Variants in DENND4A observed in about 807,000 individuals in gnomAD.
DENND4A encodes the protein DENN domain containing 4A, also known as C-myc promoter-binding protein.
DENND4A carries 70 observed loss-of-function variants against 199.3 expected under a neutral mutation model. That is an observed-to-expected ratio of 0.35 (90% CI 0.29 to 0.43). DENND4A has a LOEUF of 0.43. Among genes scored for constraint, DENND4A ranks in the 20% least tolerant of loss-of-function variants. DENND4A has a pLI of 1.00. For synonymous variants in DENND4A, 686 were observed against 766.9 expected (o/e 0.89, Z 1.74); for missense variants, 1,723 against 2,255.8 (o/e 0.76, Z 4.78).
Position 65,691,377 on chromosome 15 carries a change from T to C in DENND4A, c.3217A>G (p.Asn1073Asp). The change falls in exon 23 of 33, where the codon AAT becomes GAT. Residue 1073 changes from asparagine to aspartate, a missense_variant. Asn to Asp is a conservative substitution (Grantham distance 23). This residue lies in a region of DENND4A where 650 missense variants were observed against 738.1 expected (regional missense o/e 0.88). Coordinates refer to ENST00000443035, the MANE Select transcript of DENND4A (RefSeq NM_001320835.1). ...CCTCCACTAAGATTACGGTTTCTAT[T>C]TCCCCAGACCACTTGCTGCTGCAAA... ...TNLQQQVVWG[N>D]RNRNLSGGVL... 6.2e-7 allele frequency: 1 copy of C among 1,613,636 alleles called. No individual in the cohort carries two copies. Among genetic ancestry groups the C allele is most frequent in the Non-Finnish European group, 8.5e-7 (1 of 1,179,724 alleles).
At chr15:65,700,707 C>A in intron 19 of DENND4A, 32 bp from the exon 20 acceptor site, 1 of 1,506,254 alleles carries the variant, frequency 6.6e-7, no homozygotes, top group Non-Finnish European at 8.9e-7. Flanking sequence ...CATTTTACTA[C>A]TCGAAGAGGT....
At chr15:65,790,582 C>T (rs2141035848) in intron 1 of DENND4A, among the ~76,000 whole-genome samples, 1 of 152,230 alleles carries the variant, frequency 6.6e-6, no homozygotes, top group East Asian at 1.9e-4. Flanking sequence ...ATGATGATAA[C>T]ATATGCTGTT....
intron 23 of DENND4A, among the ~76,000 whole-genome samples, chr15:65,677,985 T>C (rs2076443016): frequency 6.7e-6 from 1 of 149,360 alleles, no homozygotes; most frequent in Non-Finnish European, 1.5e-5. Flanking sequence ...TGGAGTGCAG[T>C]GGCATGATCT....
At chr15:65,676,967 T>G (rs1461023429) in intron 23 of DENND4A, among the ~76,000 whole-genome samples, 1 of 152,226 alleles carries the variant, frequency 6.6e-6, no homozygotes, top group African/African-American at 2.4e-5. Flanking sequence ...AGAATTACGT[T>G]TTATTCTTTT....
intron 1 of DENND4A, among the ~76,000 whole-genome samples, chr15:65,769,013 A>T (rs1316501712): frequency 6.8e-6 from 1 of 147,182 alleles, no homozygotes; most frequent in Admixed American, 6.8e-5. Flanking sequence ...CCAAAAAACA[A>T]AAAAAAAAAC....
chr15:65,792,192 C>CA lies in DENND4A; in HGVS notation c.-285dup, dbSNP rs1307920389. 1 of 148,546 alleles carries CA rather than the reference C, an allele frequency of 6.7e-6. No individual in the cohort carries two copies. Among genetic ancestry groups the CA allele is most frequent in the African/African-American group, 2.5e-5 (1 of 40,766 alleles). 9.2% of individuals were successfully genotyped at this position (148,546 alleles called of 1,614,324 possible). On this transcript the variant is annotated 5_prime_UTR_variant, in exon 1 of 33. Coordinates refer to ENST00000443035, the MANE Select transcript of DENND4A (RefSeq NM_001320835.1). ...GCCCGCCCGCCCAGGCCTGCCGTCT[C>CA]AGTCAGACGGGACTCCCCCTCCCCT...
intron 23 of DENND4A, among the ~76,000 whole-genome samples, chr15:65,684,927 C>T (rs996932457): frequency 4.6e-5 from 7 of 150,718 alleles, no homozygotes; most frequent in Admixed American, 4.0e-4. Context: ...GGGCTTCAAG[C>T]GATTCTCCTA....
chr15:65,719,743 T>A (rs373923818), intron 12 of DENND4A, among the ~76,000 whole-genome samples: 2 of 139,076 alleles, frequency 1.4e-5, no homozygotes, highest in Admixed American at 7.1e-5. Flanking sequence ...TTTTTTTTTT[T>A]AATTAGCTGG....
chr15:65,775,826 A>G lies in DENND4A; in HGVS notation c.-101-14388T>C, dbSNP rs1291642091. 2.6e-5 allele frequency among the ~76,000 whole-genome samples: 4 copies of G among 152,096 alleles called. No individual in the cohort carries two copies. The East Asian group carries it at 7.7e-4, about 29-fold the overall frequency. The stretch of plus-strand genomic sequence containing the variant: ...ACCATGTGAAGGACAGGTATGAAAA[A>G]AAGTTTTAGTTTAAGTTTCATTAAG... On this transcript the variant is annotated intron_variant, in intron 1 of 32. Coordinates refer to ENST00000443035, the MANE Select transcript of DENND4A (RefSeq NM_001320835.1).
intron 1 of DENND4A, among the ~76,000 whole-genome samples, chr15:65,780,966 T>C (rs555655377): frequency 2.0e-5 from 3 of 152,300 alleles, no homozygotes; most frequent in Admixed American, 6.5e-5. Context: ...TATAACATAG[T>C]TACCAATAGA....
intron 29 of DENND4A, among the ~76,000 whole-genome samples, chr15:65,666,328 A>C (rs1289427540): frequency 1.3e-5 from 2 of 152,192 alleles, no homozygotes; most frequent in Admixed American, 6.5e-5. Context: ...GAACACAAGC[A>C]CTGTGATACC....
intron 1 of DENND4A, among the ~76,000 whole-genome samples, chr15:65,791,624 A>G (rs1478206025): frequency 6.6e-6 from 1 of 152,076 alleles, no homozygotes; most frequent in East Asian, 1.9e-4. Flanking sequence ...GATACCGAGC[A>G]GGTGGGATTC....
intron 14 of DENND4A, among the ~76,000 whole-genome samples, chr15:65,713,432 G>A (rs1266994727): frequency 6.6e-6 from 1 of 152,190 alleles, no homozygotes; most frequent in African/African-American, 2.4e-5. Context: ...TCCCGTTACA[G>A]ATGATGTTCA....
At chr15:65,748,039 C>CAAAAAAAAAAA (rs34813076) in intron 4 of DENND4A, among the ~76,000 whole-genome samples, 1 of 54,372 alleles carries the variant, frequency 1.8e-5, no homozygotes, top group Non-Finnish European at 3.3e-5. Flanking sequence ...TACTCCGTCT[C>CAAAAAAAAAAA]AAAAAAAAAA....
At chr15:65,724,670 CA>C (rs1012347040) in intron 11 of DENND4A, among the ~76,000 whole-genome samples, 6 of 152,046 alleles carry the variant, frequency 3.9e-5, no homozygotes, top group Middle Eastern at 3.2e-3. Context: ...TATCTTTCCA[CA>C]AATGAGAATA....
chr15:65,690,371 A>ATG lies in DENND4A; in HGVS notation c.4179+42_4179+43dup, dbSNP rs758408859. 3.3e-6 allele frequency: 5 copies of ATG among 1,507,334 alleles called. No individual in the cohort carries two copies. In the South Asian group the frequency reaches 4.1e-5, roughly 12 times the overall value. 93.4% of individuals were successfully genotyped at this position (1,507,334 alleles called of 1,614,324 possible). A position where few individuals can be genotyped will look rare whatever the true frequency, so the allele number is the denominator to read the frequency against. On this transcript the variant is annotated intron_variant, in intron 23 of 32. Coordinates refer to ENST00000443035, the MANE Select transcript of DENND4A (RefSeq NM_001320835.1). The stretch of plus-strand genomic sequence containing the variant: ...TAAGGGGCTTTTGGTGGTGATGGAT[A>ATG]TGTGTGTGTGACAGTAAAAGTAGCA...
At chr15:65,747,519 C>G (rs2076433439) in intron 4 of DENND4A, among the ~76,000 whole-genome samples, 1 of 152,124 alleles carries the variant, frequency 6.6e-6, no homozygotes, top group East Asian at 1.9e-4. Flanking sequence ...CCCAGACACT[C>G]TAGAACCAGA....
intron 20 of DENND4A, among the ~76,000 whole-genome samples, chr15:65,700,163 C>A (rs1180066166): frequency 6.6e-6 from 1 of 151,882 alleles, no homozygotes; most frequent in Non-Finnish European, 1.5e-5. Flanking sequence ...GATGTTGGTA[C>A]AATACTATTA....
Position 65,739,702 on chromosome 15 carries a change from C to T in DENND4A, c.632-827G>A, listed in dbSNP as rs142168697. Among the ~76,000 whole-genome samples the T allele has an allele frequency of 5.3e-5, 8 of 152,272 alleles. No individual in the cohort carries two copies. The East Asian group carries it at 1.5e-3, about 29-fold the overall frequency. On this transcript the variant is annotated intron_variant, in intron 5 of 32. Transcript: ENST00000443035. ...GTGGCTTTGGACAAATGACATACTA[C>T]AGGAGTATGGTTTTCTCATCTATAA...
Sources: allele counts gnomAD v4.1 joint callset (sites outside exome capture counted in the v4.1 genomes callset), GRCh38; gene constraint gnomAD v4.1.1; regional missense constraint gnomAD v4.1.1; transcripts MANE v1.5; gene names NCBI Gene and HGNC (gene_info 2026-07-23, HGNC 2026-07-21).